Variants in HIPK2 observed in about 807,000 individuals in gnomAD.
The protein encoded by HIPK2 is homeodomain interacting protein kinase 2, also known as homeodomain-interacting protein kinase 2.
A neutral mutation model predicts 113.7 loss-of-function variants in HIPK2; 27 were observed. The observed-to-expected ratio is 0.24, with a 90% confidence interval of 0.17 to 0.33. The LOEUF (loss-of-function observed/expected upper bound fraction) is 0.33, where lower values mean the gene tolerates loss of function less well. Ranked by LOEUF, HIPK2 falls within the 10% of genes least tolerant of loss-of-function variation. HIPK2 has a pLI of 1.00. For missense variants in HIPK2, 1,257 were observed against 1,588.0 expected (o/e 0.79, Z 3.54); for synonymous variants, 631 against 642.2 (o/e 0.98, Z 0.26).
At chr7:139,734,807 G>T (rs1415504524) in intron 1 of HIPK2, among the ~76,000 whole-genome samples, 1 of 152,140 alleles carries the variant, frequency 6.6e-6, no homozygotes, top group Non-Finnish European at 1.5e-5. Context: ...GTGATTTCTA[G>T]AATCAAGGCA....
chr7:139,645,613 T>A (rs1434466107), intron 2 of HIPK2, among the ~76,000 whole-genome samples: 1 of 152,140 alleles, frequency 6.6e-6, no homozygotes, highest in African/African-American at 2.4e-5. Flanking sequence ...TAGGCTCTGA[T>A]CCTGTAAGTA....
chr7:139,708,563 A>G (rs1166945663), intron 2 of HIPK2, among the ~76,000 whole-genome samples: 1 of 152,200 alleles, frequency 6.6e-6, no homozygotes, highest in Non-Finnish European at 1.5e-5. Flanking sequence ...TTCTGGCCCT[A>G]CTGTTCTCAG....
chr7:139,718,429 A>G (rs2116961501), intron 1 of HIPK2, among the ~76,000 whole-genome samples: 1 of 152,248 alleles, frequency 6.6e-6, no homozygotes, highest in East Asian at 1.9e-4. Context: ...TAGATGACCC[A>G]ACTTCCACTT....
rs1423621614 is a variant in HIPK2, at chr7:139,567,914, G to C, written c.*5013C>G. 1 of 152,294 alleles carries C rather than the reference G, an allele frequency of 6.6e-6. No homozygotes were observed. The highest frequency in any genetic ancestry group is 1.5e-5 in the Non-Finnish European group (1 of 68,104). 9.4% of individuals were successfully genotyped at this position (152,294 alleles called of 1,614,324 possible). On this transcript the variant is annotated 3_prime_UTR_variant, in exon 15 of 15. Transcript: ENST00000406875. ...CAGACAAAGAGAACCTGGGACAAAAGCTGGGGCGAGCTGGGTCCCCACGTC... is the reference window on the plus strand; with the variant it reads ...CAGACAAAGAGAACCTGGGACAAAACCTGGGGCGAGCTGGGTCCCCACGTC...
chr7:139,674,103 A>C (rs538699644), intron 2 of HIPK2, among the ~76,000 whole-genome samples: 88 of 151,294 alleles, frequency 5.8e-4, no homozygotes, highest in Non-Finnish European at 1.2e-3. Context: ...TTTTGGCTGG[A>C]GATTTTAATT....
intron 1 of HIPK2, among the ~76,000 whole-genome samples, chr7:139,772,705 A>T (rs1022955157): frequency 6.6e-6 from 1 of 151,388 alleles, no homozygotes; most frequent in East Asian, 1.9e-4. Flanking sequence ...CTCCTGCCTC[A>T]GCCTCCCAAG....
intron 2 of HIPK2, among the ~76,000 whole-genome samples, chr7:139,715,116 A>G (rs1795184566): frequency 6.6e-6 from 1 of 152,230 alleles, no homozygotes; most frequent in African/African-American, 2.4e-5. Flanking sequence ...AAAAGCTTCC[A>G]GATACCCCAG....
At chr7:139,665,040 T>TC (rs113498879) in intron 2 of HIPK2, among the ~76,000 whole-genome samples, 37,760 of 131,540 alleles carry the variant, frequency 0.29, 5,364 homozygotes, top group East Asian at 0.54. Flanking sequence ...TTTCTCTCTC[T>TC]TTTTTTTTTT....
intron 2 of HIPK2, among the ~76,000 whole-genome samples, chr7:139,697,414 T>C (rs1794596811): frequency 2.0e-5 from 3 of 152,266 alleles, no homozygotes; most frequent in African/African-American, 7.2e-5. Flanking sequence ...TCAGGATTTA[T>C]AAAATCAGCT....
chr7:139,741,261 T>G (rs939466131), intron 1 of HIPK2, among the ~76,000 whole-genome samples: 3 of 152,152 alleles, frequency 2.0e-5, no homozygotes, highest in Non-Finnish European at 4.4e-5. Context: ...GCTCTCTCTT[T>G]CATTCCCTTC....
At chr7:139,748,875 T>C (rs1319730520) in intron 1 of HIPK2, among the ~76,000 whole-genome samples, 1 of 152,094 alleles carries the variant, frequency 6.6e-6, no homozygotes, top group Non-Finnish European at 1.5e-5. Context: ...TCTATTAATA[T>C]GAAAAGATTT....
intron 2 of HIPK2, among the ~76,000 whole-genome samples, chr7:139,709,990 T>C (rs1171627297): frequency 1.3e-5 from 2 of 152,244 alleles, no homozygotes; most frequent in Non-Finnish European, 2.9e-5. Context: ...CCCCCCATTA[T>C]AATCTAGGGC....
intron 2 of HIPK2, among the ~76,000 whole-genome samples, chr7:139,658,440 T>C (rs888141443): frequency 6.6e-6 from 1 of 152,248 alleles, no homozygotes; most frequent in Non-Finnish European, 1.5e-5. Flanking sequence ...AATGGCCATG[T>C]TATGAAATGA....
intron 7 of HIPK2, among the ~76,000 whole-genome samples, chr7:139,617,259 G>A (rs1800087247): frequency 6.6e-6 from 1 of 152,180 alleles, no homozygotes; most frequent in Non-Finnish European, 1.5e-5. Flanking sequence ...AGAGACTGGG[G>A]TCTTGCTATG....
chr7:139,759,234 A>G (rs995474140), intron 1 of HIPK2, among the ~76,000 whole-genome samples: 31 of 152,388 alleles, frequency 2.0e-4, no homozygotes, highest in Middle Eastern at 6.8e-3. Flanking sequence ...TAAAGCTATA[A>G]CAAAATACCA....
intron 1 of HIPK2, among the ~76,000 whole-genome samples, chr7:139,730,034 C>T (rs577977385): frequency 2.2e-4 from 33 of 152,282 alleles, no homozygotes; most frequent in South Asian, 6.2e-4. Flanking sequence ...TGCCTGGCAA[C>T]GGAAGGTAAG....
intron 13 of HIPK2, among the ~76,000 whole-genome samples, chr7:139,577,475 A>G (rs974726890): frequency 4.6e-5 from 7 of 152,112 alleles, no homozygotes; most frequent in African/African-American, 1.7e-4. Context: ...TTTAGGAGCA[A>G]ACTGCATAAT....
chr7:139,606,323 A>G (rs1799613842), intron 9 of HIPK2, among the ~76,000 whole-genome samples: 1 of 152,114 alleles, frequency 6.6e-6, no homozygotes, highest in South Asian at 2.1e-4. Context: ...ATTTTCTTCC[A>G]TTTCTAAGAT....
chr7:139,697,505 C>T (rs1057145690), intron 2 of HIPK2, among the ~76,000 whole-genome samples: 19 of 151,864 alleles, frequency 1.3e-4, no homozygotes, highest in Admixed American at 3.9e-4. Context: ...GTCCCACGTA[C>T]AAATAAACCA....
Sources: allele counts gnomAD v4.1 joint callset (sites outside exome capture counted in the v4.1 genomes callset), GRCh38; gene constraint gnomAD v4.1.1; transcripts MANE v1.5; gene names NCBI Gene and HGNC (gene_info 2026-07-23, HGNC 2026-07-21).